PLXNA4: variants seen among roughly 807,000 people sequenced by gnomAD.
The protein encoded by PLXNA4 is plexin A4, also known as plexin-A4.
A neutral mutation model predicts 191.8 loss-of-function variants in PLXNA4; 44 were observed. The observed-to-expected ratio is 0.23, with a 90% CI of 0.18 to 0.29. PLXNA4 has a LOEUF of 0.29. Ranked by LOEUF, PLXNA4 falls within the 10% of genes least tolerant of loss-of-function variation. The pLI, the probability that PLXNA4 is intolerant of heterozygous loss-of-function variation, is 1.00. For synonymous variants in PLXNA4, 1,082 were observed against 1,009.5 expected (o/e 1.07, Z -1.36); for missense variants, 1,800 against 2,488.8 (o/e 0.72, Z 5.89).
intron 2 of PLXNA4, among the ~76,000 whole-genome samples, chr7:132,594,791 C>T (rs1585392888): frequency 6.6e-6 from 1 of 152,154 alleles, no homozygotes; most frequent in South Asian, 2.1e-4. Flanking sequence ...CACGTAATTC[C>T]AGTCTGCTTC....
Position 132,614,842 on chromosome 7 carries a change from A to G in PLXNA4, c.-87+31086T>C, listed in dbSNP as rs1803120402. On this transcript the variant is annotated intron_variant, in intron 2 of 4. Coordinates refer to the PLXNA4 transcript ENST00000378539. ...TGAGCCGCGGAGAAAAGCAAGCTGCAGAGAAAGAGGAAGCAGATGTGCAGA... is the reference window on the plus strand; with the variant it reads ...TGAGCCGCGGAGAAAAGCAAGCTGCGGAGAAAGAGGAAGCAGATGTGCAGA... Among the ~76,000 whole-genome samples the G allele has an allele frequency of 2.6e-5, 4 of 152,232 alleles. No homozygotes were observed. The South Asian group carries it at 6.2e-4, about 24-fold the overall frequency.
chr7:132,329,244 TC>T (rs1802494721), intron 3 of PLXNA4, among the ~76,000 whole-genome samples: 1 of 152,108 alleles, frequency 6.6e-6, no homozygotes, highest in South Asian at 2.1e-4. Flanking sequence ...GTGGAATCTG[TC>T]TCTTGAATCC....
Position 132,140,848 on chromosome 7 carries a change from G to A in PLXNA4, c.5226-37C>T, listed in dbSNP as rs202113337. On this transcript the variant is annotated intron_variant, in intron 29 of 31. Coordinates refer to ENST00000321063, the MANE Select transcript of PLXNA4 (RefSeq NM_020911.2). ...GAAGAGGCAGATGGTCAGGAAAGACGGGGCAGTGGGGCTGTGGTGTGGGTA... is the reference window on the plus strand; with the variant it reads ...GAAGAGGCAGATGGTCAGGAAAGACAGGGCAGTGGGGCTGTGGTGTGGGTA... The A allele has an allele frequency of 7.8e-5, 125 of 1,609,970 alleles. No individual in the cohort carries two copies. In the African/African-American group the frequency reaches 1.4e-3, roughly 18 times the overall value.
intron 3 of PLXNA4, among the ~76,000 whole-genome samples, chr7:132,454,016 C>A (rs1028445147): frequency 2.6e-5 from 4 of 152,220 alleles, no homozygotes; most frequent in African/African-American, 4.8e-5. Flanking sequence ...TGAGCACACC[C>A]TTGTCCCTGC....
intron 21 of PLXNA4, among the ~76,000 whole-genome samples, chr7:132,172,651 C>T (rs1218376203): frequency 6.6e-6 from 1 of 152,166 alleles, no homozygotes; most frequent in Non-Finnish European, 1.5e-5. Flanking sequence ...AAGGCTGGAT[C>T]TCACATAGCC....
At chr7:132,513,147 A>G (rs985364104) in intron 1 of PLXNA4, among the ~76,000 whole-genome samples, 7 of 152,202 alleles carry the variant, frequency 4.6e-5, no homozygotes, top group African/African-American at 1.7e-4. Flanking sequence ...GATTAAAGAA[A>G]TTGGGGTTGT....
intron 30 of PLXNA4, 108 bp downstream of exon 30, chr7:132,140,491 G>T: frequency 1.4e-6 from 2 of 1,457,896 alleles, no homozygotes; most frequent in Non-Finnish European, 1.8e-6. Flanking sequence ...CTTTGTGAAT[G>T]ACTCATCTGG....
chr7:132,145,521 G>T (rs560987916), intron 28 of PLXNA4: 3 of 551,190 alleles, frequency 5.4e-6, no homozygotes, highest in Non-Finnish European at 9.3e-6. Context: ...CTGGACCTAC[G>T]TAAGGCTTCC....
intron 1 of PLXNA4, among the ~76,000 whole-genome samples, chr7:132,563,156 C>G (rs1446379290): frequency 4.0e-5 from 3 of 75,452 alleles, no homozygotes; most frequent in East Asian, 5.1e-4. Context: ...TCCTCCTTCT[C>G]CTCCTCCTCC....
chr7:132,305,161 G>C (rs1801461694), intron 3 of PLXNA4, among the ~76,000 whole-genome samples: 1 of 152,176 alleles, frequency 6.6e-6, no homozygotes, highest in African/African-American at 2.4e-5. Flanking sequence ...TGATAAGTGG[G>C]ACACCTAGAC....
chr7:132,136,686 C>G (rs551336763), intron 30 of PLXNA4, among the ~76,000 whole-genome samples: 1 of 152,186 alleles, frequency 6.6e-6, no homozygotes, highest in South Asian at 2.1e-4. Context: ...AGTGACAGTG[C>G]GTATCTCACA....
At chr7:132,470,617 G>T (rs1796897372) in intron 3 of PLXNA4, among the ~76,000 whole-genome samples, 1 of 152,202 alleles carries the variant, frequency 6.6e-6, no homozygotes, top group African/African-American at 2.4e-5. Flanking sequence ...TTGAAAAAGA[G>T]AGATGAGCCT....
chr7:132,337,404 T>C (rs13240036), intron 3 of PLXNA4, among the ~76,000 whole-genome samples: 7 of 152,242 alleles, frequency 4.6e-5, no homozygotes, highest in Non-Finnish European at 8.8e-5. Context: ...CAGAAATACA[T>C]GGCTAAAACA....
rs562572386 is a variant in PLXNA4 at position 132,524,908 on chromosome 7, G to A, written c.-86-16129C>T. On this transcript the variant is annotated intron_variant, in intron 1 of 31. Transcript: ENST00000321063. ...AAACATATTAACATGTTTAAAACTC[G>A]TGATAAAATATACATTACATAAAAG... 6.6e-5 allele frequency among the ~76,000 whole-genome samples: 10 copies of A among 152,014 alleles called. No homozygotes were observed. In the South Asian group the frequency reaches 1.2e-3, roughly 19 times the overall value.
chr7:132,563,230 T>C (rs868400573), intron 1 of PLXNA4, among the ~76,000 whole-genome samples: 137 of 37,810 alleles, frequency 3.6e-3, no homozygotes, highest in East Asian at 5.6e-3. Flanking sequence ...TCTCCTCCTC[T>C]TTCTCCTCCT....
At chr7:132,421,175 A>T (rs1012545568) in intron 3 of PLXNA4, among the ~76,000 whole-genome samples, 2 of 152,214 alleles carry the variant, frequency 1.3e-5, no homozygotes, top group African/African-American at 4.8e-5. Context: ...TACTTTATGT[A>T]GGTGGAATCA....
chr7:132,612,209 A>C (rs2116855227), intron 2 of PLXNA4, among the ~76,000 whole-genome samples: 1 of 152,276 alleles, frequency 6.6e-6, no homozygotes, highest in South Asian at 2.1e-4. Context: ...GCCACACCTA[A>C]CTGCAGAGGA....
intron 13 of PLXNA4, 37 bp from the exon 14 acceptor site, chr7:132,194,216 G>A: frequency 6.3e-7 from 1 of 1,591,996 alleles, no homozygotes; most frequent in African/African-American, 1.3e-5. Context: ...TGGGTCACAG[G>A]ACTTCCAGCC....
At chr7:132,638,763 AT>A (rs1271389235) in intron 2 of PLXNA4, among the ~76,000 whole-genome samples, 8 of 152,068 alleles carry the variant, frequency 5.3e-5, no homozygotes, top group African/African-American at 1.9e-4. Context: ...AAATAAAAAT[AT>A]ATATATATAT....
Sources: gnomAD v4.1 joint callset for allele counts (sites outside exome capture counted in the v4.1 genomes callset) on GRCh38, gnomAD v4.1.1 for gene constraint, MANE v1.5 for transcripts, NCBI Gene and HGNC (gene_info 2026-07-23, HGNC 2026-07-21) for gene names.